The following ARNT2 variants were observed in gnomAD, a reference collection of about 807,000 sequenced individuals.
The protein encoded by ARNT2 is aryl hydrocarbon receptor nuclear translocator 2, also known as ARNT protein 2.
ARNT2 carries 36 observed loss-of-function variants against 91.7 expected under a neutral mutation model. The observed-to-expected ratio is 0.39, with a 90% CI of 0.30 to 0.52. The LOEUF is 0.52. Ranked by LOEUF, ARNT2 falls within the 20% of genes least tolerant of loss-of-function variation. The pLI is 0.72. For synonymous variants in ARNT2, 365 were observed against 347.1 expected, an observed-to-expected ratio of 1.05 and a Z score of -0.57; for missense variants, 775 against 939.3, an observed-to-expected ratio of 0.83 and a Z score of 2.29.
At chr15:80,578,513 G>A (rs1299363213) in intron 15 of ARNT2, among the ~76,000 whole-genome samples, 1 of 151,566 alleles carries the variant, frequency 6.6e-6, no homozygotes, top group Non-Finnish European at 1.5e-5. Context: ...ATGCTGAGGA[G>A]GAGGACACCA....
At chr15:80,409,089 A>G (rs1325769044) in intron 1 of ARNT2, among the ~76,000 whole-genome samples, 1 of 152,196 alleles carries the variant, frequency 6.6e-6, no homozygotes, top group African/African-American at 2.4e-5. Flanking sequence ...TATCACCCAA[A>G]GTCCATAGTT....
intron 1 of ARNT2, among the ~76,000 whole-genome samples, chr15:80,408,103 G>A (rs1281290653): frequency 6.6e-6 from 1 of 152,120 alleles, no homozygotes; most frequent in African/African-American, 2.4e-5. Context: ...CCAGGTTTCT[G>A]GTCTTTGGCA....
rs577682631 is a variant in ARNT2 at position 80,504,784 on chromosome 15, A to T, written c.623-3372A>T. Among the ~76,000 whole-genome samples, 868 of 149,086 alleles carry T rather than the reference A, an allele frequency of 5.8e-3. 13 individuals are homozygous for T. The highest frequency in any genetic ancestry group is 0.021 in the African/African-American group (842 of 40,360). On this transcript the variant is annotated intron_variant, in intron 5 of 18. Transcript: ENST00000303329. ...CCCTGTCTCAAAGAAAAAAAAAAAAATGGAAATCAGGCAAAGGGAAGGGGA... is the reference window on the plus strand; with the variant it reads ...CCCTGTCTCAAAGAAAAAAAAAAAATTGGAAATCAGGCAAAGGGAAGGGGA...
At chr15:80,500,222 A>C (rs1213846298) in intron 5 of ARNT2, among the ~76,000 whole-genome samples, 1 of 152,158 alleles carries the variant, frequency 6.6e-6, no homozygotes, top group African/African-American at 2.4e-5. Context: ...AACTGGGGTC[A>C]ACCTTTTGAG....
intron 1 of ARNT2, among the ~76,000 whole-genome samples, chr15:80,431,222 C>A (rs114503367): frequency 1.3e-5 from 2 of 152,184 alleles, no homozygotes; most frequent in African/African-American, 4.8e-5. Context: ...GAACAGCACG[C>A]CCCCTCTGTC....
rs57450847 is a variant in ARNT2, at chr15:80,521,809, G to C, written c.877+7404G>C. On this transcript the variant is annotated intron_variant, in intron 8 of 18. Coordinates refer to ENST00000303329, the MANE Select transcript of ARNT2 (RefSeq NM_014862.4). ...AAACTTAATATATATCATTGCCTCCGCTGGGTAATGGGTTATGTTAATAAT... is the reference window on the plus strand; with the variant it reads ...AAACTTAATATATATCATTGCCTCCCCTGGGTAATGGGTTATGTTAATAAT... Among the ~76,000 whole-genome samples the C allele has an allele frequency of 5.2e-3, 795 of 152,118 alleles. 5 individuals carry two copies. The highest frequency in any genetic ancestry group is 9.2e-3 in the Non-Finnish European group (624 of 67,986).
At chr15:80,421,963 C>T (rs1164440629) in intron 1 of ARNT2, among the ~76,000 whole-genome samples, 1 of 152,126 alleles carries the variant, frequency 6.6e-6, no homozygotes, top group Non-Finnish European at 1.5e-5. Context: ...TAAATAGCTA[C>T]TCAACACAGA....
intron 1 of ARNT2, among the ~76,000 whole-genome samples, chr15:80,445,881 T>TTCTGCCCGC (rs1169435103): frequency 6.6e-6 from 1 of 152,076 alleles, no homozygotes; most frequent in Non-Finnish European, 1.5e-5. Flanking sequence ...CCAGAGGGCC[T>TTCTGCCCGC]TCTGCCCCCT....
At chr15:80,407,556 C>T (rs1160503785) in intron 1 of ARNT2, among the ~76,000 whole-genome samples, 2 of 152,196 alleles carry the variant, frequency 1.3e-5, no homozygotes, top group East Asian at 1.9e-4. Context: ...TATCCTGTGG[C>T]CCCTGGTGCC....
intron 8 of ARNT2, among the ~76,000 whole-genome samples, chr15:80,522,688 G>A (rs557322718): frequency 4.6e-5 from 7 of 151,354 alleles, no homozygotes; most frequent in Middle Eastern, 3.4e-3. Flanking sequence ...TAATCTTATG[G>A]GACCACTGTC....
intron 3 of ARNT2, among the ~76,000 whole-genome samples, chr15:80,465,725 G>A (rs2141391314): frequency 6.6e-6 from 1 of 152,296 alleles, no homozygotes; most frequent in African/African-American, 2.4e-5. Context: ...TGAGCAAAGA[G>A]GAGGCTGCAG....
At chr15:80,490,113 G>A (rs1897034257) in intron 5 of ARNT2, among the ~76,000 whole-genome samples, 1 of 152,182 alleles carries the variant, frequency 6.6e-6, no homozygotes, top group Non-Finnish European at 1.5e-5. Context: ...GGAGAAAGTG[G>A]TGAGAGAGAG....
At chr15:80,422,536 A>G (rs1313625206) in intron 1 of ARNT2, among the ~76,000 whole-genome samples, 1 of 152,252 alleles carries the variant, frequency 6.6e-6, no homozygotes, top group East Asian at 1.9e-4. Context: ...TTGAGACCTC[A>G]CTAAAGGAAC....
intron 1 of ARNT2, among the ~76,000 whole-genome samples, chr15:80,405,664 G>A (rs1895589301): frequency 6.6e-6 from 1 of 152,190 alleles, no homozygotes; most frequent in South Asian, 2.1e-4. Context: ...TAGCAGAGGG[G>A]CATTGCAGGC....
intron 1 of ARNT2, among the ~76,000 whole-genome samples, chr15:80,448,778 T>C (rs1340098552): frequency 2.6e-5 from 4 of 152,138 alleles, no homozygotes; most frequent in Non-Finnish European, 5.9e-5. Flanking sequence ...GGTCAGGAGA[T>C]GGAGACCATC....
chr15:80,583,955 C>T (rs1309414621), intron 17 of ARNT2, among the ~76,000 whole-genome samples: 5 of 152,204 alleles, frequency 3.3e-5, no homozygotes, highest in Admixed American at 6.5e-5. Flanking sequence ...CATATAAAAT[C>T]GAGAAATGAA....
intron 1 of ARNT2, among the ~76,000 whole-genome samples, chr15:80,445,803 GCTC>G (rs770279804): frequency 6.6e-6 from 1 of 152,034 alleles, no homozygotes; most frequent in Non-Finnish European, 1.5e-5. Flanking sequence ...GGGGTTTGCA[GCTC>G]CTCCTTCTGT....
At chr15:80,528,914 T>C (rs1458912436) in intron 8 of ARNT2, among the ~76,000 whole-genome samples, 3 of 152,240 alleles carry the variant, frequency 2.0e-5, no homozygotes, top group African/African-American at 7.2e-5. Flanking sequence ...CAAATCTTTT[T>C]CAAGAAACAG....
chr15:80,589,488 C>T (rs1411232845), intron 17 of ARNT2, among the ~76,000 whole-genome samples: 1 of 152,204 alleles, frequency 6.6e-6, no homozygotes, highest in African/African-American at 2.4e-5. Context: ...CTGGGTGAGC[C>T]TGTGTGGCAG....
Sources: gnomAD v4.1 joint callset for allele counts (sites outside exome capture counted in the v4.1 genomes callset) on GRCh38, gnomAD v4.1.1 for gene constraint, MANE v1.5 for transcripts, NCBI Gene and HGNC (gene_info 2026-07-23, HGNC 2026-07-21) for gene names.